ETV6: variants seen among roughly 807,000 people sequenced by gnomAD.
ETV6 encodes ETS variant transcription factor 6, also known as transcription factor ETV6.
Under a neutral mutation model 51.1 loss-of-function variants are expected in ETV6, and 16 were observed. The observed-to-expected ratio is 0.31, with a 90% CI of 0.21 to 0.48. The LOEUF (loss-of-function observed/expected upper bound fraction) is 0.48, where lower values mean the gene tolerates loss of function less well. Among genes scored for constraint, ETV6 ranks in the 20% least tolerant of loss-of-function variants. The probability of loss-of-function intolerance (pLI) is 0.99; values close to 1 mark genes in which losing one functional copy is unlikely to be tolerated. For synonymous variants in ETV6, 240 were observed against 224.1 expected, an observed-to-expected ratio of 1.07 and a Z score of -0.64; for missense variants, 458 against 594.8, an observed-to-expected ratio of 0.77 and a Z score of 2.39.
At chr12:11,703,820 A>G (rs1032848999) in intron 1 of ETV6, among the ~76,000 whole-genome samples, 1 of 152,190 alleles carries the variant, frequency 6.6e-6, no homozygotes, top group African/African-American at 2.4e-5. Context: ...ATTCCTTTCA[A>G]TTTTAAGATT....
chr12:11,657,881 A>G (rs1294978768), intron 1 of ETV6, among the ~76,000 whole-genome samples: 2 of 152,100 alleles, frequency 1.3e-5, no homozygotes, highest in African/African-American at 4.8e-5. Context: ...TCCCTTCAGG[A>G]GATTGTAAGG....
chr12:11,694,803 G>A (rs1439270780), intron 1 of ETV6, among the ~76,000 whole-genome samples: 1 of 152,164 alleles, frequency 6.6e-6, no homozygotes, highest in Non-Finnish European at 1.5e-5. Flanking sequence ...CTTGGAATAA[G>A]ACGTTCTTTT....
Position 11,891,313 on chromosome 12 carries a change from G to GTAA in ETV6, c.*269_*271dup. On this transcript the variant is annotated 3_prime_UTR_variant, in exon 8 of 8. Transcript: ENST00000396373. ...CTTCTGATTTGGAATCTCTCCATCTGTAATTCCTCACCCTCACCCTTCCAC... is the reference window on the plus strand; with the variant it reads ...CTTCTGATTTGGAATCTCTCCATCTGTAATAATTCCTCACCCTCACCCTTCCAC... The GTAA allele has an allele frequency of 2.4e-6, 1 of 423,594 alleles. No individual in the cohort carries two copies. The highest frequency in any genetic ancestry group is 4.3e-6 in the Non-Finnish European group (1 of 233,956). The allele number at this position is 423,594 out of a possible 1,614,324, so 26.2% of individuals were successfully genotyped here. A position where few individuals can be genotyped will look rare whatever the true frequency, so the allele number is the denominator to read the frequency against.
chr12:11,826,924 C>G (rs1003418358), intron 2 of ETV6, among the ~76,000 whole-genome samples: 4 of 152,030 alleles, frequency 2.6e-5, no homozygotes, highest in Non-Finnish European at 5.9e-5. Flanking sequence ...CTTTACAACT[C>G]TAATACTAGG....
At chr12:11,832,496 C>T (rs1216802877) in intron 2 of ETV6, among the ~76,000 whole-genome samples, 3 of 152,184 alleles carry the variant, frequency 2.0e-5, no homozygotes. Flanking sequence ...AGAATAGGAA[C>T]TGTTGGTAAC....
chr12:11,828,290 A>T (rs937619069), intron 2 of ETV6, among the ~76,000 whole-genome samples: 1 of 152,132 alleles, frequency 6.6e-6, no homozygotes, highest in African/African-American at 2.4e-5. Flanking sequence ...ATGAAGAAAA[A>T]CTTTCAATAT....
Position 11,696,026 on chromosome 12 carries a change from G to GA in ETV6, c.33+45876dup, listed in dbSNP as rs58263882. Among the ~76,000 whole-genome samples the GA allele has an allele frequency of 1.8e-3, 258 of 146,308 alleles. 1 individual carries two copies. Among genetic ancestry groups the GA allele is most frequent in the African/African-American group, 5.8e-3 (232 of 39,914 alleles). ...GGGGAGGGGAGATGATAGGTGTAGG[G>GA]AAAAAAAAAAGAAACTTTTTCCTCT... On this transcript the variant is annotated intron_variant, in intron 1 of 7. Coordinates refer to ENST00000396373, the MANE Select transcript of ETV6 (RefSeq NM_001987.5).
chr12:11,814,169 G>A (rs895037020), intron 2 of ETV6, among the ~76,000 whole-genome samples: 5 of 152,218 alleles, frequency 3.3e-5, no homozygotes, highest in Admixed American at 6.5e-5. Flanking sequence ...GTAAAATGCC[G>A]AATTACCCAC....
chr12:11,740,830 A>AG (rs1037503629), intron 1 of ETV6, among the ~76,000 whole-genome samples: 1 of 152,232 alleles, frequency 6.6e-6, no homozygotes, highest in Non-Finnish European at 1.5e-5. Context: ...CTATAGGCAG[A>AG]GGGTATACTC....
chr12:11,760,878 A>ATGTGTGTG (rs59373097), intron 2 of ETV6, among the ~76,000 whole-genome samples: 9,478 of 148,422 alleles, frequency 0.064, 423 homozygotes, highest in East Asian at 0.21. Flanking sequence ...TATTATATAT[A>ATGTGTGTG]TGTGTGTGTG....
intron 2 of ETV6, among the ~76,000 whole-genome samples, chr12:11,772,689 G>A (rs559899015): frequency 9.2e-5 from 14 of 152,298 alleles, no homozygotes; most frequent in East Asian, 5.8e-4. Flanking sequence ...AAGTCAGAGC[G>A]TCTGTTCACC....
Position 11,869,018 on chromosome 12 carries a change from C to T in ETV6, c.464-406C>T, listed in dbSNP as rs527611028. 9.2e-5 allele frequency among the ~76,000 whole-genome samples: 14 copies of T among 152,084 alleles called. No individual in the cohort carries two copies. The highest frequency in any genetic ancestry group is 1.0e-4 in the Non-Finnish European group (7 of 68,006). ...TTGGGAGGCTGAGGCAGGCAGAGCA[C>T]GAGGTCAGGAGACCCAGACCATCCT... On this transcript the variant is annotated intron_variant, in intron 4 of 7. Coordinates refer to ENST00000396373, the MANE Select transcript of ETV6 (RefSeq NM_001987.5). The surrounding 1 kb of genome is among the most constrained non-coding windows in gnomAD (Gnocchi z 5.0).
chr12:11,655,652 T>C (rs1051787483), intron 1 of ETV6, among the ~76,000 whole-genome samples: 4 of 152,236 alleles, frequency 2.6e-5, no homozygotes, highest in Non-Finnish European at 4.4e-5. Context: ...ACTGTTCCTT[T>C]AGTGTCAAAA....
intron 2 of ETV6, among the ~76,000 whole-genome samples, chr12:11,801,028 T>C (rs1404347493): frequency 6.6e-6 from 1 of 152,250 alleles, no homozygotes; most frequent in African/African-American, 2.4e-5. Flanking sequence ...ACATCATGGT[T>C]TTAAAATTAA....
chr12:11,870,867 C>T (rs1035799933), intron 5 of ETV6, among the ~76,000 whole-genome samples: 2 of 152,170 alleles, frequency 1.3e-5, no homozygotes, highest in African/African-American at 4.8e-5. Context: ...ATTTTATGTA[C>T]CAGCATTCAT....
intron 4 of ETV6, among the ~76,000 whole-genome samples, chr12:11,868,803 G>A (rs1242126265): frequency 1.3e-5 from 2 of 152,120 alleles, no homozygotes; most frequent in Non-Finnish European, 1.5e-5. Flanking sequence ...CTCTGAAAGC[G>A]ACGTAGAAGA....
At chr12:11,792,027 A>G (rs1945604508) in intron 2 of ETV6, among the ~76,000 whole-genome samples, 1 of 152,234 alleles carries the variant, frequency 6.6e-6, no homozygotes, top group Non-Finnish European at 1.5e-5. Context: ...AGCAAGATGA[A>G]GCAAGGAGCC....
chr12:11,784,791 T>G (rs2136374927), intron 2 of ETV6, among the ~76,000 whole-genome samples: 1 of 151,552 alleles, frequency 6.6e-6, no homozygotes, highest in East Asian at 1.9e-4. Flanking sequence ...CGCAAACTCT[T>G]GGGCTCATGA....
chr12:11,756,897 G>T (rs1460816833), intron 2 of ETV6, among the ~76,000 whole-genome samples: 1 of 152,192 alleles, frequency 6.6e-6, no homozygotes, highest in Non-Finnish European at 1.5e-5. Flanking sequence ...ATAATTAAAT[G>T]TCGTTATTTT....
Sources: gnomAD v4.1 joint callset for allele counts (sites outside exome capture counted in the v4.1 genomes callset) on GRCh38, gnomAD v4.1.1 for gene constraint, Gnocchi (gnomAD v3.1) non-coding constraint, MANE v1.5 for transcripts, NCBI Gene and HGNC (gene_info 2026-07-23, HGNC 2026-07-21) for gene names.